Variants in SUMF1 observed in about 807,000 individuals in gnomAD.
SUMF1 encodes formylglycine-generating enzyme.
A neutral mutation model predicts 47.6 loss-of-function variants in SUMF1; 48 were observed. The observed-to-expected ratio is 1.01, with a 90% CI of 0.80 to 1.28. SUMF1 has a LOEUF of 1.28. SUMF1 is among the 50% of genes most tolerant of loss of function. SUMF1 has a pLI of 0.00. For missense variants in SUMF1, 571 were observed against 485.4 expected (o/e 1.18, Z -1.66); for synonymous variants, 230 against 192.1 (o/e 1.20, Z -1.63).
At chr3:4,156,363 T>C (rs1167057415) in intron 8 of SUMF1, among the ~76,000 whole-genome samples, 1 of 151,670 alleles carries the variant, frequency 6.6e-6, no homozygotes, top group Non-Finnish European at 1.5e-5. Context: ...TTTGTAGAAC[T>C]AATTAGTACC....
At chr3:4,238,219 G>A (rs1488097741) in intron 8 of SUMF1, among the ~76,000 whole-genome samples, 1 of 152,086 alleles carries the variant, frequency 6.6e-6, no homozygotes. Flanking sequence ...TTGCTTTTGT[G>A]AACAGTGCTG....
At chr3:4,263,999 T>C (rs1486629897) in intron 8 of SUMF1, among the ~76,000 whole-genome samples, 1 of 152,210 alleles carries the variant, frequency 6.6e-6, no homozygotes, top group Non-Finnish European at 1.5e-5. Flanking sequence ...ATCTTTACTA[T>C]TACGCACATA....
chr3:4,216,194 T>C (rs1389602802), intron 8 of SUMF1, among the ~76,000 whole-genome samples: 1 of 152,080 alleles, frequency 6.6e-6, no homozygotes, highest in Admixed American at 6.5e-5. Flanking sequence ...AAAACAGACA[T>C]ATAGATCAAT....
At chr3:4,226,241 T>C (rs1696169294) in intron 8 of SUMF1, among the ~76,000 whole-genome samples, 1 of 150,896 alleles carries the variant, frequency 6.6e-6, no homozygotes, top group African/African-American at 2.4e-5. Flanking sequence ...ACCACCATCA[T>C]GATTATTGTT....
At chr3:4,442,361 T>TTCTCCTGCCTCAGCC (rs370262595) in intron 3 of SUMF1, among the ~76,000 whole-genome samples, 38,797 of 150,026 alleles carry the variant, frequency 0.26, 5,697 homozygotes, top group Middle Eastern at 0.37. Flanking sequence ...GTTCACGCCA[T>TTCTCCTGCCTCAGCC]TCTCCTGCCT....
At chr3:4,284,090 C>T (rs1045765661) in intron 8 of SUMF1, among the ~76,000 whole-genome samples, 1 of 151,912 alleles carries the variant, frequency 6.6e-6, no homozygotes, top group African/African-American at 2.4e-5. Flanking sequence ...GAGAAAATAT[C>T]AAGGAGGAGC....
At position 4,301,179 on chromosome 3, in the gene SUMF1, A is replaced by T. The variant is rs139205672; in HGVS notation, c.1014+75151T>A. Among the ~76,000 whole-genome samples, 140 of 152,310 alleles carry T rather than the reference A, an allele frequency of 9.2e-4. 1 individual carries two copies. In the East Asian group the frequency reaches 0.021, roughly 23 times the overall value. Reference sequence around the variant, plus strand: ...TAAAGAAAGATACAGAGAAGGGACTACTTGAGCTGAGCAGACAGACAGTCC... The same window carrying T: ...TAAAGAAAGATACAGAGAAGGGACTTCTTGAGCTGAGCAGACAGACAGTCC... On this transcript the variant is annotated intron_variant and NMD_transcript_variant, in intron 8 of 12. Coordinates refer to the SUMF1 transcript ENST00000448413.
At chr3:4,389,494 A>G (rs545841268) in intron 7 of SUMF1, among the ~76,000 whole-genome samples, 83 of 152,274 alleles carry the variant, frequency 5.5e-4, no homozygotes, top group Middle Eastern at 3.4e-3. Context: ...CTGTGGGTTT[A>G]AGTCTCTTAC....
chr3:4,068,727 G>A (rs1559442688), exon 9 of SUMF1: 2 of 436,902 alleles, frequency 4.6e-6, no homozygotes, highest in African/African-American at 4.1e-5. Flanking sequence ...TGAAAATAGG[G>A]ATCATAGTAC....
chr3:4,254,002 C>A (rs562628311), intron 8 of SUMF1, among the ~76,000 whole-genome samples: 4 of 150,936 alleles, frequency 2.7e-5, no homozygotes, highest in African/African-American at 9.8e-5. Flanking sequence ...AGCAAGGGCA[C>A]ACTGACACCA....
At chr3:4,380,341 T>G (rs940866744) in intron 7 of SUMF1, among the ~76,000 whole-genome samples, 1 of 152,230 alleles carries the variant, frequency 6.6e-6, no homozygotes, top group South Asian at 2.1e-4. Flanking sequence ...AAATACCGCA[T>G]GTTCTCACTT....
chr3:4,243,932 C>T (rs931070151), intron 8 of SUMF1, among the ~76,000 whole-genome samples: 1 of 152,206 alleles, frequency 6.6e-6, no homozygotes, highest in African/African-American at 2.4e-5. Flanking sequence ...CTTTATGAAT[C>T]GGGGTGCTCC....
At chr3:4,350,150 A>G (rs74790162) in intron 8 of SUMF1, among the ~76,000 whole-genome samples, 25,045 of 151,462 alleles carry the variant, frequency 0.17, 2,127 homozygotes, top group Middle Eastern at 0.23. Context: ...ACAGGCATGC[A>G]CCACCACGCC....
chr3:4,123,316 T>C (rs1182925527), intron 8 of SUMF1, among the ~76,000 whole-genome samples: 1 of 152,030 alleles, frequency 6.6e-6, no homozygotes, highest in Non-Finnish European at 1.5e-5. Context: ...AGACACTTTA[T>C]CTCACAATTC....
chr3:4,291,703 C>G (rs1303945222), intron 8 of SUMF1, among the ~76,000 whole-genome samples: 3 of 152,042 alleles, frequency 2.0e-5, no homozygotes, highest in Admixed American at 1.3e-4. Flanking sequence ...AATTAAGTTT[C>G]CAAGTGCAAA....
At chr3:4,110,477 G>GCCA (rs1403534290) in intron 8 of SUMF1, among the ~76,000 whole-genome samples, 3 of 152,138 alleles carry the variant, frequency 2.0e-5, no homozygotes, top group Admixed American at 6.5e-5. Context: ...ATTTGACCCA[G>GCCA]CCATCCCATT....
At chr3:4,126,002 G>C (rs1693647401) in intron 8 of SUMF1, among the ~76,000 whole-genome samples, 1 of 151,932 alleles carries the variant, frequency 6.6e-6, no homozygotes, top group South Asian at 2.1e-4. Context: ...GCCCATGCTA[G>C]TGCCTCGTGC....
chr3:4,151,419 ATG>A (rs1399959311), intron 8 of SUMF1, among the ~76,000 whole-genome samples: 20 of 95,588 alleles, frequency 2.1e-4, no homozygotes, highest in Admixed American at 6.7e-4. Context: ...ATATGTATAT[ATG>A]TGTATACATG....
chr3:4,173,521 A>AT (rs1418742525), intron 8 of SUMF1, among the ~76,000 whole-genome samples: 1 of 152,230 alleles, frequency 6.6e-6, no homozygotes, highest in African/African-American at 2.4e-5. Context: ...CAGCAATCCC[A>AT]TTAATGGGTA....
Sources: allele counts gnomAD v4.1 joint callset (sites outside exome capture counted in the v4.1 genomes callset), GRCh38; gene constraint gnomAD v4.1.1; transcripts MANE v1.5; gene names NCBI Gene and HGNC (gene_info 2026-07-23, HGNC 2026-07-21).